Variants in STK10 observed in about 807,000 individuals in gnomAD.
STK10 encodes serine/threonine kinase 10.
STK10 carries 78 observed loss-of-function variants against 113.8 expected under a neutral mutation model. That is an observed-to-expected ratio of 0.69 (90% confidence interval 0.57 to 0.83). STK10 has a LOEUF of 0.83. Among genes scored for constraint, STK10 ranks in the 40% least tolerant of loss-of-function variants. The pLI is 0.00. For synonymous variants in STK10, 465 were observed against 494.7 expected, an observed-to-expected ratio of 0.94 and a Z score of 0.80; for missense variants, 1,109 against 1,280.1, an observed-to-expected ratio of 0.87 and a Z score of 2.04.
Position 172,064,762 on chromosome 5 carries a change from C to T in STK10, c.2040G>A (p.Met680Ile), listed in dbSNP as rs1299191300. The change falls in exon 13 of 19, where the codon ATG (methionine) becomes ATA (isoleucine). Residue 680 changes from methionine to isoleucine, a missense_variant. Physicochemically the swap from Met to Ile is conservative, Grantham distance 10. Around this residue, in one of 5 missense-constraint regions of STK10, gnomAD observed 885 missense variants for 991.1 expected, o/e 0.89. Coordinates refer to ENST00000176763, the MANE Select transcript of STK10 (RefSeq NM_005990.4). The stretch of plus-strand genomic sequence containing the variant: ...GCGTGTGCTCCTCCATCTTCTGCTT[C>T]ATGCTTTCCTTCCGCTGCTGTCGGG... Reference protein sequence around the residue: ...KLPRQQRKESMKQKMEEHTQK... With the variant: ...KLPRQQRKESIKQKMEEHTQK... 1.2e-6 allele frequency: 2 copies of T among 1,614,104 alleles called. No individual in the cohort carries two copies. The highest frequency in any genetic ancestry group is 2.7e-5 in the African/African-American group (2 of 74,940).
chr5:172,143,606 T>C (rs1184601856), intron 2 of STK10, among the ~76,000 whole-genome samples: 2 of 152,212 alleles, frequency 1.3e-5, no homozygotes, highest in East Asian at 3.8e-4. Context: ...GTCCTGGGTC[T>C]GCCACCATCC....
intron 3 of STK10, among the ~76,000 whole-genome samples, chr5:172,123,968 C>A (rs936329640): frequency 1.3e-5 from 2 of 152,302 alleles, no homozygotes; most frequent in Admixed American, 1.3e-4. Flanking sequence ...CACTCTGTCA[C>A]CTGGGCTGAG....
chr5:172,132,520 C>G (rs746759364), intron 2 of STK10, among the ~76,000 whole-genome samples: 1 of 152,020 alleles, frequency 6.6e-6, no homozygotes, highest in Non-Finnish European at 1.5e-5. Context: ...GGAGGCTCCT[C>G]AGGATCGGAA....
intron 12 of STK10, among the ~76,000 whole-genome samples, chr5:172,076,182 A>ATTT (rs1561797012): frequency 5.2e-5 from 4 of 76,718 alleles, no homozygotes; most frequent in African/African-American, 9.8e-5. Flanking sequence ...CCTGTGCGTT[A>ATTT]GTTGTGGGGG....
chr5:172,043,041 C>T lies in STK10; in HGVS notation c.*1841G>A, dbSNP rs976167847. ...TGAAGCGGGAGAATCAGTTGAGCCA[C>T]GAGTTTGAGATCAGCTTGGGCAACA... On this transcript the variant is annotated 3_prime_UTR_variant, in exon 19 of 19. Coordinates refer to ENST00000176763, the MANE Select transcript of STK10 (RefSeq NM_005990.4). 2.6e-5 allele frequency: 4 copies of T among 151,712 alleles called. No homozygotes were observed. Among genetic ancestry groups the T allele is most frequent in the African/African-American group, 4.8e-5 (2 of 41,272 alleles). 9.4% of individuals were successfully genotyped at this position (151,712 alleles called of 1,614,324 possible).
chr5:172,182,974 A>T (rs964333610), intron 1 of STK10, among the ~76,000 whole-genome samples: 1 of 152,168 alleles, frequency 6.6e-6, no homozygotes, highest in Admixed American at 6.5e-5. Flanking sequence ...TGGATGGCTG[A>T]GGCAGGAGGA....
chr5:172,128,383 C>T (rs1191172912), intron 2 of STK10, among the ~76,000 whole-genome samples: 2 of 150,390 alleles, frequency 1.3e-5, no homozygotes, highest in African/African-American at 2.4e-5. Flanking sequence ...CTCTTGTCAC[C>T]CAGGCTAGCG....
At chr5:172,070,964 T>A (rs540072330) in intron 12 of STK10, among the ~76,000 whole-genome samples, 1 of 151,856 alleles carries the variant, frequency 6.6e-6, no homozygotes, top group South Asian at 2.1e-4. Context: ...TCCCAGCACT[T>A]TGGGAGGCTG....
In STK10 at chr5:172,107,787, G is replaced by A. The variant is rs1243424052; in HGVS notation, c.586C>T (p.Pro196Ser). The change falls in exon 5 of 19, where the codon CCT becomes TCT. Residue 196 changes from proline (P) to serine (S), a missense_variant. Around this residue, in one of 5 missense-constraint regions of STK10, gnomAD observed 44 missense variants for 84.4 expected, o/e 0.52. Coordinates refer to ENST00000176763, the MANE Select transcript of STK10 (RefSeq NM_005990.4). ...AGAAGCTACACGACTCACCAGTAAG[G>A]CGTGCCGATGAAGGAATCTCGTTTC... ...LQKRDSFIGT[P>S]YWMAPEVVMC... The A allele has an allele frequency of 1.2e-6, 2 of 1,613,942 alleles. No homozygotes were observed. Among genetic ancestry groups the A allele is most frequent in the African/African-American group, 1.3e-5 (1 of 74,918 alleles).
intron 4 of STK10, chr5:172,114,465 A>ATTTTT (rs1393673147): frequency 3.0e-5 from 1 of 33,782 alleles, no homozygotes; most frequent in African/African-American, 1.4e-4. Context: ...ATATATATAT[A>ATTTTT]TATATATATT....
At chr5:172,065,025 C>T (rs940427450) in intron 12 of STK10, among the ~76,000 whole-genome samples, 2 of 152,214 alleles carry the variant, frequency 1.3e-5, no homozygotes, top group Non-Finnish European at 2.9e-5. Flanking sequence ...GCTTCCAACT[C>T]CCCCAGAGTG....
intron 18 of STK10, chr5:172,045,419 C>A (rs1414568276): frequency 4.8e-5 from 22 of 461,974 alleles, no homozygotes; most frequent in Non-Finnish European, 8.6e-5. Context: ...TTTCAAAATA[C>A]ACATGCCTGA....
At chr5:172,055,874 G>A (rs978554199) in intron 15 of STK10, 98 bp from the exon 16 acceptor site, 80 of 1,019,088 alleles carry the variant, frequency 7.9e-5, no homozygotes, top group Non-Finnish European at 1.0e-4. Flanking sequence ...AGGGGCCCAG[G>A]ACCAACGCAG....
intron 10 of STK10, among the ~76,000 whole-genome samples, chr5:172,087,448 T>C (rs1768592804): frequency 6.6e-6 from 1 of 150,468 alleles, no homozygotes; most frequent in Non-Finnish European, 1.5e-5. Flanking sequence ...CTAATTTTTG[T>C]AGTTTTAGTA....
At chr5:172,124,072 G>A (rs1411546364) in intron 3 of STK10, among the ~76,000 whole-genome samples, 2 of 152,124 alleles carry the variant, frequency 1.3e-5, no homozygotes, top group African/African-American at 4.8e-5. Flanking sequence ...GATTACAGGT[G>A]CAAACCACTA....
rs754282524 is a variant in STK10 at position 172,187,929 on chromosome 5, G to A, written c.114C>T (p.Ile38=). The A allele has an allele frequency of 1.2e-6, 2 of 1,613,418 alleles. No homozygotes were observed. The highest frequency in any genetic ancestry group is 2.2e-5 in the East Asian group (1 of 44,860). The change falls in exon 1 of 19, where the codon ATC becomes ATT. Residue 38 remains isoleucine, a synonymous_variant. Transcript: ENST00000176763. This position sits in a 1 kb window ranked among gnomAD's most constrained non-coding sequence, Gnocchi z 4.6. ...RDLDPNEVWE[I]VGELGDGAFG... ...AGGCGCCGTCGCCCAGCTCGCCCACGATCTCCCACACCTCGTTGGGGTCCA... is the reference window on the plus strand; with the variant it reads ...AGGCGCCGTCGCCCAGCTCGCCCACAATCTCCCACACCTCGTTGGGGTCCA...
chr5:172,048,429 A>G, intron 18 of STK10, among the ~76,000 whole-genome samples: 1 of 151,204 alleles, frequency 6.6e-6, no homozygotes. Flanking sequence ...ACACACACAC[A>G]CACACACACA....
At chr5:172,137,461 C>A (rs1210875302) in intron 2 of STK10, among the ~76,000 whole-genome samples, 1 of 151,932 alleles carries the variant, frequency 6.6e-6, no homozygotes, top group Non-Finnish European at 1.5e-5. Context: ...TAAAAAAAAA[C>A]TACGTGATCA....
intron 4 of STK10, among the ~76,000 whole-genome samples, chr5:172,117,131 T>C (rs1471503982): frequency 6.6e-6 from 1 of 151,688 alleles, no homozygotes; most frequent in African/African-American, 2.4e-5. Context: ...GTACAAAAAG[T>C]AGCCAGGCAT....
Sources: gnomAD v4.1 joint callset for allele counts (sites outside exome capture counted in the v4.1 genomes callset) on GRCh38, gnomAD v4.1.1 for gene constraint, gnomAD v4.1.1 regional missense constraint, Gnocchi (gnomAD v3.1) non-coding constraint, MANE v1.5 for transcripts, NCBI Gene and HGNC (gene_info 2026-07-23, HGNC 2026-07-21) for gene names.